ARSJ: variants seen among roughly 807,000 people sequenced by gnomAD.
ARSJ encodes arylsulfatase family member J.
A neutral mutation model predicts 35.9 loss-of-function variants in ARSJ; 26 were observed. That is an observed-to-expected ratio of 0.72 (90% CI 0.53 to 1.00). The LOEUF (loss-of-function observed/expected upper bound fraction) is 1.00, where lower values mean the gene tolerates loss of function less well. Ranked by LOEUF, ARSJ falls within the 50% of genes least tolerant of loss-of-function variation. The pLI is 0.00. For synonymous variants in ARSJ, 294 were observed against 267.6 expected (o/e 1.10, Z -0.96); for missense variants, 667 against 723.6 (o/e 0.92, Z 0.90).
chr4:113,979,567 G>C lies in ARSJ; in HGVS notation c.-733C>G, dbSNP rs1237493396. 1 of 152,290 alleles carries C rather than the reference G, an allele frequency of 6.6e-6. No homozygotes were observed. Among genetic ancestry groups the C allele is most frequent in the Non-Finnish European group, 1.5e-5 (1 of 68,068 alleles). The allele number at this position is 152,290 out of a possible 1,614,324, so 9.4% of individuals were successfully genotyped here. On this transcript the variant is annotated 5_prime_UTR_variant, in exon 1 of 2. Coordinates refer to ENST00000315366, the MANE Select transcript of ARSJ (RefSeq NM_024590.4). ...TAGGGAGCCTGAAGGCCAAAGCCGG[G>C]TCCCTAGCCCCGCGGCCGGTCCGCG...
intron 1 of ARSJ, among the ~76,000 whole-genome samples, chr4:113,917,661 C>A (rs1006498510): frequency 6.6e-6 from 1 of 152,104 alleles, no homozygotes; most frequent in African/African-American, 2.4e-5. Flanking sequence ...AATTTACCAG[C>A]ATATTATTAG....
chr4:113,930,961 T>G, intron 1 of ARSJ, among the ~76,000 whole-genome samples: 1 of 144,424 alleles, frequency 6.9e-6, no homozygotes, highest in East Asian at 2.0e-4. Context: ...CACTCATAGG[T>G]GGGAATTGAA....
chr4:113,939,201 G>A (rs1164305150), intron 1 of ARSJ, among the ~76,000 whole-genome samples: 4 of 149,796 alleles, frequency 2.7e-5, no homozygotes, highest in Non-Finnish European at 5.9e-5. Context: ...TGAGAATGAT[G>A]ATTTCCAATT....
intron 1 of ARSJ, among the ~76,000 whole-genome samples, chr4:113,960,326 T>A (rs1726467012): frequency 6.6e-6 from 1 of 152,098 alleles, no homozygotes; most frequent in Admixed American, 6.6e-5. Context: ...GGCTATTGAA[T>A]TTGATGACAA....
chr4:113,933,529 T>C (rs931119342), intron 1 of ARSJ, among the ~76,000 whole-genome samples: 1 of 151,894 alleles, frequency 6.6e-6, no homozygotes, highest in Non-Finnish European at 1.5e-5. Context: ...ATCCTAGGGA[T>C]GCAAGGATGG....
intron 1 of ARSJ, among the ~76,000 whole-genome samples, chr4:113,907,391 A>G (rs554865901): frequency 2.1e-4 from 32 of 152,222 alleles, no homozygotes; most frequent in African/African-American, 6.5e-4. Context: ...TAAATAGCTT[A>G]GGAATGATTT....
intron 1 of ARSJ, among the ~76,000 whole-genome samples, chr4:113,904,637 A>C (rs2099668191): frequency 6.6e-6 from 1 of 152,158 alleles, no homozygotes; most frequent in Non-Finnish European, 1.5e-5. Flanking sequence ...GGCGCCTGCC[A>C]CCACGCCCAG....
intron 1 of ARSJ, among the ~76,000 whole-genome samples, chr4:113,947,000 T>C (rs1482555941): frequency 6.6e-6 from 1 of 152,120 alleles, no homozygotes; most frequent in Non-Finnish European, 1.5e-5. Flanking sequence ...CAAAATGAAG[T>C]GGTATCCAAT....
intron 1 of ARSJ, among the ~76,000 whole-genome samples, chr4:113,938,877 C>G (rs907434746): frequency 2.6e-5 from 4 of 151,948 alleles, no homozygotes; most frequent in African/African-American, 9.7e-5. Context: ...GAGATACCAT[C>G]TCATGCCAGT....
Position 113,902,539 on chromosome 4 carries a change from T to C in ARSJ, c.1535A>G (p.Tyr512Cys). 6.2e-7 allele frequency: 1 copy of C among 1,614,174 alleles called. No homozygotes were observed. The change falls in exon 2 of 2, where the codon TAT becomes TGT. Residue 512 changes from tyrosine (Y) to cysteine (C), a missense_variant. Tyr to Cys is a radical substitution (Grantham distance 194). Transcript: ENST00000315366. ...TAGGAGCTTCTTCACGATTCCTGGA[T>C]ACCTGTTAGATAGGTCCACCCTCTC... The part of the protein sequence containing the change: ...PYERVDLSNR[Y>C]PGIVKKLLRR...
chr4:113,972,542 C>T (rs150472270), intron 1 of ARSJ, among the ~76,000 whole-genome samples: 235 of 152,214 alleles, frequency 1.5e-3, no homozygotes, highest in African/African-American at 5.4e-3. Context: ...TGGGGTCTTG[C>T]TCTGTTACCC....
At chr4:113,921,525 C>T (rs1222224650) in intron 1 of ARSJ, among the ~76,000 whole-genome samples, 2 of 152,084 alleles carry the variant, frequency 1.3e-5, no homozygotes, top group Non-Finnish European at 2.9e-5. Context: ...AGGAATGTAA[C>T]CTTTAACCAA....
In ARSJ at chr4:113,940,645, T is replaced by TAAA. The variant is rs566983455; in HGVS notation, c.399-36973_399-36971dup. Among the ~76,000 whole-genome samples the TAAA allele has an allele frequency of 5.7e-3, 831 of 144,638 alleles. 6 individuals are homozygous for TAAA. The highest frequency in any genetic ancestry group is 0.017 in the African/African-American group (674 of 39,534). 94.9% of individuals were successfully genotyped at this position (144,638 alleles called of 152,430 possible). A position where few individuals can be genotyped will look rare whatever the true frequency, so the allele number is the denominator to read the frequency against. ...CATCCTGCACATGTACCCTGGAACT[T>TAAA]AAAAAAAAAAAAATGTGTATAAAGA... On this transcript the variant is annotated intron_variant, in intron 1 of 1. Transcript: ENST00000315366.
intron 1 of ARSJ, among the ~76,000 whole-genome samples, chr4:113,956,175 G>A (rs1726169018): frequency 6.6e-6 from 1 of 152,034 alleles, no homozygotes; most frequent in Admixed American, 6.6e-5. Flanking sequence ...AGTTTGTAGT[G>A]ATTTTGAAAG....
chr4:113,963,519 G>A (rs1381138330), intron 1 of ARSJ, among the ~76,000 whole-genome samples: 2 of 152,012 alleles, frequency 1.3e-5, no homozygotes, highest in Admixed American at 1.3e-4. Flanking sequence ...CAGCATGGGG[G>A]TAACGCCACC....
At chr4:113,927,820 A>G (rs1052604272) in intron 1 of ARSJ, among the ~76,000 whole-genome samples, 5 of 152,158 alleles carry the variant, frequency 3.3e-5, no homozygotes, top group Non-Finnish European at 7.4e-5. Flanking sequence ...TGCGTCTTTC[A>G]AGTCCTTGAT....
At chr4:113,946,903 G>A (rs1725525136) in intron 1 of ARSJ, among the ~76,000 whole-genome samples, 1 of 152,080 alleles carries the variant, frequency 6.6e-6, no homozygotes, top group African/African-American at 2.4e-5. Context: ...TTATAAAAAT[G>A]TTAAGGGTAT....
chr4:113,902,479 G>A lies in ARSJ; in HGVS notation c.1595C>T (p.Pro532Leu), dbSNP rs777411078. 22 of 1,613,928 alleles carry A rather than the reference G, an allele frequency of 1.4e-5. 1 individual carries two copies. The South Asian group carries it at 2.4e-4, about 18-fold the overall frequency. The change falls in exon 2 of 2, where the codon CCG (proline) becomes CTG (leucine). Residue 532 changes from proline (P) to leucine (L), a missense_variant. By Grantham distance (98) the Pro-to-Leu change is moderately conservative. Coordinates refer to ENST00000315366, the MANE Select transcript of ARSJ (RefSeq NM_024590.4). ...RLSQFNKTAV[P>L]VRYPPKDPRS... The stretch of plus-strand genomic sequence containing the variant: ...GGGGTCTTTGGGGGGATACCTGACC[G>A]GCACTGCAGTTTTGTTGAACTGTGA...
intron 1 of ARSJ, among the ~76,000 whole-genome samples, chr4:113,909,049 G>C (rs1157958706): frequency 6.6e-6 from 1 of 151,956 alleles, no homozygotes; most frequent in Non-Finnish European, 1.5e-5. Context: ...CCATCTAGTG[G>C]CAGTAAAAAT....
Sources: allele counts gnomAD v4.1 joint callset (sites outside exome capture counted in the v4.1 genomes callset), GRCh38; gene constraint gnomAD v4.1.1; transcripts MANE v1.5; gene names NCBI Gene and HGNC (gene_info 2026-07-23, HGNC 2026-07-21).